Variants in EYA2 observed in about 807,000 individuals in gnomAD.
The protein encoded by EYA2 is protein phosphatase EYA2.
In EYA2, 31 loss-of-function variants were observed where a neutral mutation model predicts 69.2. The ratio of observed to expected loss-of-function variants is 0.45; its 90% CI spans 0.34 to 0.60. The LOEUF is 0.60. Ranked by LOEUF, EYA2 falls within the 20% of genes least tolerant of loss-of-function variation. The probability of loss-of-function intolerance (pLI) is 0.02; values close to 1 mark genes in which losing one functional copy is unlikely to be tolerated. For missense variants in EYA2, 622 were observed against 701.2 expected (o/e 0.89, Z 1.28); for synonymous variants, 257 against 279.4 (o/e 0.92, Z 0.80).
chr20:46,943,192 G>A (rs756229727), intron 1 of EYA2, among the ~76,000 whole-genome samples: 7 of 152,214 alleles, frequency 4.6e-5, no homozygotes, highest in Non-Finnish European at 7.3e-5. Flanking sequence ...TGCTGCGGGC[G>A]CCTAGTGGGT....
intron 1 of EYA2, among the ~76,000 whole-genome samples, chr20:46,967,343 G>T (rs956934413): frequency 6.6e-6 from 1 of 152,204 alleles, no homozygotes; most frequent in African/African-American, 2.4e-5. Context: ...GTCACCTGTG[G>T]CTCATGGCTA....
intron 10 of EYA2, among the ~76,000 whole-genome samples, chr20:47,144,352 CAAA>C (rs11304780): frequency 2.0e-4 from 23 of 116,356 alleles, no homozygotes; most frequent in Non-Finnish European, 2.0e-4. Context: ...AAGACACCAT[CAAA>C]AAAAAAAAAA....
chr20:47,184,787 G>A (rs1303045927), intron 15 of EYA2, among the ~76,000 whole-genome samples: 1 of 152,126 alleles, frequency 6.6e-6, no homozygotes, highest in African/African-American at 2.4e-5. Flanking sequence ...CACACATCTA[G>A]CACATGCAAA....
chr20:47,022,023 C>T (rs938730246), intron 5 of EYA2, among the ~76,000 whole-genome samples: 2 of 152,156 alleles, frequency 1.3e-5, no homozygotes, highest in African/African-American at 4.8e-5. Context: ...GTCATACATA[C>T]CAAATACGTT....
intron 10 of EYA2, among the ~76,000 whole-genome samples, chr20:47,168,511 CAG>C (rs1390516492): frequency 3.3e-5 from 5 of 152,144 alleles, no homozygotes; most frequent in African/African-American, 4.8e-5. Flanking sequence ...TCTTGTCCCA[CAG>C]AGAGAGGTGT....
At chr20:47,012,648 C>A (rs1290664004) in intron 4 of EYA2, among the ~76,000 whole-genome samples, 1 of 152,134 alleles carries the variant, frequency 6.6e-6, no homozygotes, top group Non-Finnish European at 1.5e-5. Context: ...TGTGCACCAC[C>A]ACACCCAGTT....
intron 9 of EYA2, among the ~76,000 whole-genome samples, chr20:47,107,879 A>G (rs2032638354): frequency 6.6e-6 from 1 of 152,220 alleles, no homozygotes; most frequent in South Asian, 2.1e-4. Flanking sequence ...TAAATTTGAG[A>G]AAAATGTGGC....
intron 2 of EYA2, among the ~76,000 whole-genome samples, chr20:46,991,986 A>AAAAAAAG (rs10644182): frequency 7.4e-6 from 1 of 134,254 alleles, no homozygotes; most frequent in African/African-American, 2.7e-5. Context: ...AAAAAAAAAA[A>AAAAAAAG]CGCTGAAAGC....
At chr20:46,968,886 T>G (rs1979956802) in intron 1 of EYA2, among the ~76,000 whole-genome samples, 1 of 151,970 alleles carries the variant, frequency 6.6e-6, no homozygotes, top group Non-Finnish European at 1.5e-5. Flanking sequence ...TTTCTGAACC[T>G]CTCTTTCCTC....
At chr20:47,123,469 G>A (rs1245179885) in intron 9 of EYA2, among the ~76,000 whole-genome samples, 1 of 152,146 alleles carries the variant, frequency 6.6e-6, no homozygotes, top group East Asian at 1.9e-4. Flanking sequence ...CTAGCTAGAG[G>A]AAGACAAGAG....
At chr20:47,169,060 G>A in intron 10 of EYA2, 79 bp from the exon 11 acceptor site, 3 of 1,392,600 alleles carry the variant, frequency 2.2e-6, no homozygotes, top group Non-Finnish European at 3.0e-6. Flanking sequence ...CTCAGCTTAT[G>A]AGGCCAACCC....
chr20:47,170,640 C>T (rs1188157464), intron 11 of EYA2, among the ~76,000 whole-genome samples: 1 of 149,978 alleles, frequency 6.7e-6, no homozygotes, highest in Non-Finnish European at 1.5e-5. Context: ...GAGCGAGACT[C>T]CGTCTCAAAA....
chr20:47,010,775 T>C (rs1225650159), intron 4 of EYA2, among the ~76,000 whole-genome samples: 3 of 148,752 alleles, frequency 2.0e-5, no homozygotes, highest in African/African-American at 7.5e-5. Context: ...GCAAATAGTT[T>C]TAAAATTGAG....
chr20:46,961,380 T>C (rs1979469687), intron 1 of EYA2, among the ~76,000 whole-genome samples: 1 of 152,122 alleles, frequency 6.6e-6, no homozygotes, highest in Non-Finnish European at 1.5e-5. Flanking sequence ...TAACAAATGC[T>C]GGCAAGGATG....
chr20:46,913,558 G>T (rs548842429), intron 1 of EYA2, among the ~76,000 whole-genome samples: 2 of 148,116 alleles, frequency 1.4e-5, no homozygotes, highest in South Asian at 4.5e-4. Context: ...AGAGGGTGGG[G>T]CAGGAAAACC....
At chr20:47,133,726 G>T (rs1418099389) in intron 9 of EYA2, among the ~76,000 whole-genome samples, 1 of 152,190 alleles carries the variant, frequency 6.6e-6, no homozygotes, top group Non-Finnish European at 1.5e-5. Flanking sequence ...TCTCCCAGGG[G>T]AGCACGGACA....
chr20:47,039,933 C>T (rs980385589), intron 5 of EYA2, among the ~76,000 whole-genome samples: 1 of 148,468 alleles, frequency 6.7e-6, no homozygotes, highest in Non-Finnish European at 1.5e-5. Flanking sequence ...CTCCGCCTCC[C>T]AGGTTCAAGC....
chr20:46,911,005 G>C (rs765115683), intron 1 of EYA2, among the ~76,000 whole-genome samples: 1 of 152,168 alleles, frequency 6.6e-6, no homozygotes, highest in Non-Finnish European at 1.5e-5. Context: ...CCAACACCGA[G>C]GTTCAGGTTA....
At chr20:46,946,518 C>G (rs1409573876) in intron 1 of EYA2, among the ~76,000 whole-genome samples, 1 of 152,108 alleles carries the variant, frequency 6.6e-6, no homozygotes, top group African/African-American at 2.4e-5. Context: ...CTGGGTCCAC[C>G]CTAAGCCCCT....
Sources: allele counts gnomAD v4.1 joint callset (sites outside exome capture counted in the v4.1 genomes callset), GRCh38; gene constraint gnomAD v4.1.1; transcripts MANE v1.5; gene names NCBI Gene and HGNC (gene_info 2026-07-23, HGNC 2026-07-21).